The following ATRNL1 variants were observed in gnomAD, a reference collection of about 807,000 sequenced individuals.
The protein encoded by ATRNL1 is attractin like 1.
A neutral mutation model predicts 182.7 loss-of-function variants in ATRNL1; 95 were observed. The ratio of observed to expected loss-of-function variants is 0.52; its 90% CI spans 0.44 to 0.62. The LOEUF is 0.62. ATRNL1 is among the 20% of genes least tolerant of loss of function. ATRNL1 has a pLI of 0.00. For synonymous variants in ATRNL1, 576 were observed against 568.3 expected (o/e 1.01, Z -0.19); for missense variants, 1,471 against 1,679.5 (o/e 0.88, Z 2.17).
intron 17 of ATRNL1, among the ~76,000 whole-genome samples, chr10:115,309,501 A>T (rs1554927213): frequency 6.6e-6 from 1 of 152,098 alleles, no homozygotes; most frequent in Middle Eastern, 3.4e-3. Context: ...TGCTTGGTTA[A>T]GTATATTCCT....
chr10:115,599,510 T>C (rs928000790), intron 26 of ATRNL1, among the ~76,000 whole-genome samples: 2 of 134,914 alleles, frequency 1.5e-5, no homozygotes, highest in Admixed American at 7.3e-5. Flanking sequence ...AAGGATATTT[T>C]TAAGTAAAGT....
intron 1 of ATRNL1, among the ~76,000 whole-genome samples, chr10:115,102,934 C>T (rs1303602133): frequency 3.3e-5 from 5 of 150,836 alleles, no homozygotes; most frequent in Non-Finnish European, 5.9e-5. Flanking sequence ...TGAATTATCT[C>T]GTTCTTCATT....
chr10:115,608,695 T>A (rs890391351), intron 26 of ATRNL1, among the ~76,000 whole-genome samples: 2 of 152,062 alleles, frequency 1.3e-5, no homozygotes, highest in African/African-American at 4.8e-5. Flanking sequence ...AGTGTTTTCA[T>A]TGTTGGAAAT....
At chr10:115,484,867 T>A (rs1446231045) in intron 24 of ATRNL1, among the ~76,000 whole-genome samples, 1 of 151,902 alleles carries the variant, frequency 6.6e-6, no homozygotes, top group African/African-American at 2.4e-5. Flanking sequence ...TAAGAAGAAA[T>A]GTAAGATGTT....
intron 21 of ATRNL1, among the ~76,000 whole-genome samples, chr10:115,430,021 A>T (rs557242340): frequency 6.6e-6 from 1 of 152,284 alleles, no homozygotes; most frequent in South Asian, 2.1e-4. Context: ...CAGTGAGCCG[A>T]GATCGCGCCA....
intron 9 of ATRNL1, among the ~76,000 whole-genome samples, chr10:115,231,260 T>C (rs782733366): frequency 2.6e-5 from 4 of 152,124 alleles, no homozygotes; most frequent in African/African-American, 4.8e-5. Context: ...CAAGAGCATA[T>C]TTCAAAGGAA....
chr10:115,885,070 C>T (rs1313796923), intron 28 of ATRNL1, among the ~76,000 whole-genome samples: 2 of 152,184 alleles, frequency 1.3e-5, no homozygotes, highest in African/African-American at 4.8e-5. Flanking sequence ...TTACCAGGTA[C>T]TTATCCCATA....
chr10:115,523,017 T>A (rs971191383), intron 25 of ATRNL1, among the ~76,000 whole-genome samples: 12 of 152,186 alleles, frequency 7.9e-5, no homozygotes, highest in Admixed American at 7.2e-4. Context: ...ATATTTCTGC[T>A]CAGCATTGCC....
chr10:115,153,845 T>G (rs1846367501), intron 5 of ATRNL1, among the ~76,000 whole-genome samples: 1 of 152,208 alleles, frequency 6.6e-6, no homozygotes, highest in South Asian at 2.1e-4. Flanking sequence ...TGCTTTCTGT[T>G]GTGGGCATTT....
intron 15 of ATRNL1, among the ~76,000 whole-genome samples, chr10:115,291,173 T>C (rs1023482269): frequency 6.6e-6 from 1 of 152,240 alleles, no homozygotes; most frequent in African/African-American, 2.4e-5. Context: ...AGGACTCTCT[T>C]ACCCTCACTA....
At chr10:115,621,515 T>C (rs1857770428) in intron 26 of ATRNL1, among the ~76,000 whole-genome samples, 1 of 152,044 alleles carries the variant, frequency 6.6e-6, no homozygotes, top group South Asian at 2.1e-4. Context: ...TTGCCCAGGC[T>C]GGTCTTGAAC....
chr10:115,571,120 T>C (rs1854364649), intron 26 of ATRNL1, among the ~76,000 whole-genome samples: 1 of 152,210 alleles, frequency 6.6e-6, no homozygotes, highest in African/African-American at 2.4e-5. Context: ...CCTATCCATA[T>C]AGCCGCTGGC....
At chr10:115,459,454 G>A (rs1847688470) in intron 21 of ATRNL1, among the ~76,000 whole-genome samples, 1 of 152,038 alleles carries the variant, frequency 6.6e-6, no homozygotes, top group South Asian at 2.1e-4. Flanking sequence ...GGCCCTCCTG[G>A]GGCGTACCTG....
intron 13 of ATRNL1, among the ~76,000 whole-genome samples, chr10:115,269,936 A>T (rs1851770428): frequency 6.6e-6 from 1 of 152,026 alleles, no homozygotes; most frequent in Admixed American, 6.6e-5. Flanking sequence ...GACTCATTAG[A>T]TTGAACCCTT....
At chr10:115,474,194 T>C (rs1554972653) in intron 24 of ATRNL1, among the ~76,000 whole-genome samples, 4 of 151,368 alleles carry the variant, frequency 2.6e-5, no homozygotes, top group Non-Finnish European at 4.4e-5. Context: ...AGCTTTTATG[T>C]CTCCTTCATT....
At chr10:115,666,417 T>A (rs1325611985) in intron 26 of ATRNL1, among the ~76,000 whole-genome samples, 1 of 152,198 alleles carries the variant, frequency 6.6e-6, no homozygotes, top group Non-Finnish European at 1.5e-5. Flanking sequence ...CCGTAGTTTA[T>A]TGAGAGTTGG....
At chr10:115,116,241 G>A (rs1844480524) in intron 1 of ATRNL1, among the ~76,000 whole-genome samples, 1 of 152,036 alleles carries the variant, frequency 6.6e-6, no homozygotes, top group African/African-American at 2.4e-5. Flanking sequence ...GAATAAGTCA[G>A]TATGGTTCTC....
intron 28 of ATRNL1, among the ~76,000 whole-genome samples, chr10:115,941,820 C>G (rs1001258160): frequency 6.6e-6 from 1 of 152,140 alleles, no homozygotes; most frequent in Non-Finnish European, 1.5e-5. Context: ...TCCTTCAGCT[C>G]CATTAATTAA....
chr10:115,833,328 A>G (rs1297695289), intron 27 of ATRNL1, among the ~76,000 whole-genome samples: 2 of 152,284 alleles, frequency 1.3e-5, no homozygotes, highest in African/African-American at 4.8e-5. Context: ...CGTGATCTGT[A>G]TGTGGTAGAG....
Sources: allele counts gnomAD v4.1 joint callset (sites outside exome capture counted in the v4.1 genomes callset), GRCh38; gene constraint gnomAD v4.1.1; transcripts MANE v1.5; gene names NCBI Gene and HGNC (gene_info 2026-07-23, HGNC 2026-07-21).